Variants in DOCK4 observed in about 807,000 individuals in gnomAD.
DOCK4 encodes dedicator of cytokinesis protein 4.
Under a neutral mutation model 268.1 loss-of-function variants are expected in DOCK4, and 97 were observed. The observed-to-expected ratio is 0.36, with a 90% CI of 0.31 to 0.43. The LOEUF (loss-of-function observed/expected upper bound fraction) is 0.43. Ranked by LOEUF, DOCK4 falls within the 20% of genes least tolerant of loss-of-function variation. The pLI is 1.00. For synonymous variants in DOCK4, 954 were observed against 887.2 expected (o/e 1.08, Z -1.34); for missense variants, 2,145 against 2,455.7 (o/e 0.87, Z 2.67).
intron 23 of DOCK4, among the ~76,000 whole-genome samples, chr7:111,860,489 C>CATCT (rs1805415479): frequency 6.6e-6 from 1 of 152,246 alleles, no homozygotes. Context: ...CTCTGTTGAA[C>CATCT]ATCTGCACGT....
chr7:112,036,171 A>C (rs1043961931), intron 1 of DOCK4, among the ~76,000 whole-genome samples: 12 of 152,186 alleles, frequency 7.9e-5, no homozygotes, highest in Admixed American at 1.3e-4. Flanking sequence ...ATCTGTAAAC[A>C]TGTAAAAACT....
At position 112,008,970 on chromosome 7, in the gene DOCK4, G is replaced by C. The variant is rs139413996; in HGVS notation, c.38-4839C>G. ...ATCGTGCCACTGCACTCCAGCCTGGGCAACAGAGTGAGGCTCCATCTCCAA... is the reference window on the plus strand; with the variant it reads ...ATCGTGCCACTGCACTCCAGCCTGGCCAACAGAGTGAGGCTCCATCTCCAA... On this transcript the variant is annotated intron_variant, in intron 1 of 52. Transcript: ENST00000428084. Among the ~76,000 whole-genome samples the C allele has an allele frequency of 1.9e-3, 294 of 152,340 alleles. 1 individual carries two copies. The highest frequency in any genetic ancestry group is 6.6e-3 in the African/African-American group (274 of 41,572).
chr7:111,909,177 T>A (rs1032788015), intron 13 of DOCK4, among the ~76,000 whole-genome samples: 3 of 152,234 alleles, frequency 2.0e-5, no homozygotes, highest in Non-Finnish European at 4.4e-5. Flanking sequence ...CAGCATCTGT[T>A]GTTTCCTGAC....
chr7:111,782,671 T>C (rs1285443398), intron 35 of DOCK4, among the ~76,000 whole-genome samples, 193 bp downstream of exon 35: 1 of 152,180 alleles, frequency 6.6e-6, no homozygotes, highest in African/African-American at 2.4e-5. Context: ...TTGTAATGTC[T>C]GGGACTGAGG....
At chr7:112,132,040 G>A (rs1378537735) in intron 1 of DOCK4, among the ~76,000 whole-genome samples, 2 of 152,192 alleles carry the variant, frequency 1.3e-5, no homozygotes, top group Non-Finnish European at 2.9e-5. Context: ...ATTTCGGGCA[G>A]ATTTATTAAT....
At position 111,895,499 on chromosome 7, in the gene DOCK4, T is replaced by G. The variant is rs1261544268; in HGVS notation, c.1587+113A>C. The G allele has an allele frequency of 3.2e-6, 3 of 924,970 alleles. No individual in the cohort carries two copies. The East Asian group carries it at 7.2e-5, about 22-fold the overall frequency. The allele number at this position is 924,970 out of a possible 1,614,324, so 57.3% of individuals were successfully genotyped here. A position where few individuals can be genotyped will look rare whatever the true frequency, so the allele number is the denominator to read the frequency against. On this transcript the variant is annotated intron_variant, in intron 16 of 52. Coordinates refer to ENST00000428084, the MANE Select transcript of DOCK4 (RefSeq NM_001363540.2). ...AAAGACATTCTCCCTGACAGCAATC[T>G]TACAAGAATATTCATTTCAGTCATT...
At chr7:111,783,075 G>A (rs940934826) in intron 34 of DOCK4, among the ~76,000 whole-genome samples, 151 bp from the exon 35 acceptor site, 3 of 151,778 alleles carry the variant, frequency 2.0e-5, no homozygotes, top group African/African-American at 4.8e-5. Context: ...CATTGCAAGC[G>A]TTCGTTCATT....
intron 11 of DOCK4, among the ~76,000 whole-genome samples, chr7:111,939,155 CAGA>C (rs1054600621): frequency 6.6e-6 from 1 of 151,968 alleles, no homozygotes; most frequent in African/African-American, 2.4e-5. Context: ...TCACAGCCCT[CAGA>C]AGGAGCCAAC....
At chr7:112,022,410 G>T (rs867108544) in intron 1 of DOCK4, among the ~76,000 whole-genome samples, 1 of 152,232 alleles carries the variant, frequency 6.6e-6, no homozygotes, top group African/African-American at 2.4e-5. Context: ...TTCCGCCCCT[G>T]ACCAGCTGAT....
At chr7:111,872,843 C>T (rs1000425284) in intron 17 of DOCK4, among the ~76,000 whole-genome samples, 21 of 152,196 alleles carry the variant, frequency 1.4e-4, no homozygotes, top group Admixed American at 1.2e-3. Flanking sequence ...CCTGAAATCT[C>T]GAGCTAACTG....
chr7:112,069,200 A>T (rs1353521091), intron 1 of DOCK4, among the ~76,000 whole-genome samples: 1 of 152,158 alleles, frequency 6.6e-6, no homozygotes, highest in Non-Finnish European at 1.5e-5. Context: ...ACACCGAGCA[A>T]ACTTTTGTCA....
At chr7:112,025,077 AC>A (rs755043761) in intron 1 of DOCK4, among the ~76,000 whole-genome samples, 28 of 152,234 alleles carry the variant, frequency 1.8e-4, no homozygotes, top group Admixed American at 1.6e-3. Context: ...AATGTTGAAG[AC>A]CAACCTAAAG....
intron 29 of DOCK4, 138 bp from the exon 30 acceptor site, chr7:111,809,017 C>A: frequency 1.1e-6 from 1 of 937,568 alleles, no homozygotes; most frequent in Non-Finnish European, 1.6e-6. Flanking sequence ...ATACATGTCA[C>A]GATGCCTCTA....
chr7:111,781,892 T>C (rs1180130891), intron 35 of DOCK4, among the ~76,000 whole-genome samples: 2 of 151,982 alleles, frequency 1.3e-5, no homozygotes, highest in African/African-American at 4.8e-5. Flanking sequence ...TGCAAGCAAA[T>C]AGAGAACTAT....
chr7:111,731,402 G>A lies in DOCK4; in HGVS notation c.5481+824C>T, dbSNP rs73432050. 2.6e-3 allele frequency among the ~76,000 whole-genome samples: 400 copies of A among 152,280 alleles called. 3 individuals are homozygous for A. The highest frequency in any genetic ancestry group is 9.0e-3 in the African/African-American group (375 of 41,562). ...AGCTAGAACTAGCTCATCACACAAA[G>A]GACATGGAGCGTGTAAATCCTAAGT... On this transcript the variant is annotated intron_variant, in intron 52 of 52. Transcript: ENST00000428084.
intron 1 of DOCK4, among the ~76,000 whole-genome samples, chr7:112,057,013 G>C (rs1805875913): frequency 1.3e-5 from 2 of 151,982 alleles, no homozygotes; most frequent in East Asian, 3.9e-4. Flanking sequence ...ACTTTAAAAT[G>C]GTTGCAATTT....
chr7:112,068,938 C>A (rs565712290), intron 1 of DOCK4, among the ~76,000 whole-genome samples: 22 of 152,120 alleles, frequency 1.4e-4, no homozygotes, highest in African/African-American at 5.3e-4. Context: ...TTAAAAACAA[C>A]AAAAAAGAGA....
intron 8 of DOCK4, among the ~76,000 whole-genome samples, chr7:111,947,420 G>T (rs2134836254): frequency 6.6e-6 from 1 of 152,208 alleles, no homozygotes; most frequent in African/African-American, 2.4e-5. Context: ...ATATGAGAAA[G>T]GGCAGCCAAT....
chr7:111,747,342 A>T lies in DOCK4; in HGVS notation c.4518T>A (p.Asn1506Lys). The T allele has an allele frequency of 6.2e-7, 1 of 1,613,752 alleles. No homozygotes were observed. The highest frequency in any genetic ancestry group is 1.1e-5 in the South Asian group (1 of 91,072). ...ISQCQTRQMQ[N>K]INPLTMCLNG... Reference sequence around the variant, plus strand: ...TCAGGCACATAGTCAGGGGATTAATATTCTGCATCTGTCTTGTCTGACACT... The same window carrying T: ...TCAGGCACATAGTCAGGGGATTAATTTTCTGCATCTGTCTTGTCTGACACT... Residue 1506 changes from asparagine to lysine, a missense_variant, in exon 43 of 53, where the codon AAT becomes AAA. By Grantham distance (94) the Asn-to-Lys change is moderately conservative (BLOSUM62 0). Coordinates refer to ENST00000428084, the MANE Select transcript of DOCK4 (RefSeq NM_001363540.2).
Sources: gnomAD v4.1 joint callset for allele counts (sites outside exome capture counted in the v4.1 genomes callset) on GRCh38, gnomAD v4.1.1 for gene constraint, MANE v1.5 for transcripts, NCBI Gene and HGNC (gene_info 2026-07-23, HGNC 2026-07-21) for gene names.